Variants in C10orf67 observed in about 807,000 individuals in gnomAD.
C10orf67 encodes the protein uncharacterized protein C10orf67, mitochondrial.
Under a neutral mutation model 35.6 loss-of-function variants are expected in C10orf67, and 60 were observed. That is an observed-to-expected ratio of 1.68 (90% CI 1.37 to 2.09). C10orf67 has a LOEUF of 2.09. Ranked by LOEUF, C10orf67 falls within the 30% of genes most tolerant of loss-of-function variation. The probability of loss-of-function intolerance (pLI) is 0.00; values close to 1 mark genes in which losing one functional copy is unlikely to be tolerated. For missense variants in C10orf67, 474 were observed against 330.2 expected, an observed-to-expected ratio of 1.44 and a Z score of -3.38; for synonymous variants, 167 against 115.8, an observed-to-expected ratio of 1.44 and a Z score of -2.84.
chr10:23,208,867 G>T (rs990837653), intron 15 of C10orf67, among the ~76,000 whole-genome samples: 1 of 152,132 alleles, frequency 6.6e-6, no homozygotes, highest in African/African-American at 2.4e-5. Flanking sequence ...CTGCTCTGGA[G>T]AACCCTGAGA....
At chr10:23,253,533 A>C (rs1310444461) in intron 10 of C10orf67, among the ~76,000 whole-genome samples, 1 of 152,200 alleles carries the variant, frequency 6.6e-6, no homozygotes, top group South Asian at 2.1e-4. Context: ...AAATTAACCC[A>C]AATTAAAAAA....
intron 10 of C10orf67, among the ~76,000 whole-genome samples, chr10:23,253,762 A>AGTCTGTT (rs1480670123): frequency 6.6e-6 from 1 of 152,206 alleles, no homozygotes; most frequent in South Asian, 2.1e-4. Context: ...CTATGTAATA[A>AGTCTGTT]CTAGAGATAA....
rs540852902 is a variant in C10orf67 at position 23,252,643 on chromosome 10, T to G, written c.1201-1952A>C. On this transcript the variant is annotated intron_variant, in intron 10 of 15. Transcript: ENST00000636213. ...GAGTGAGGACAGAGCTGCCTGAAAT[T>G]TCTCATTTGGGCAAGTAGATGGAGA... Among the ~76,000 whole-genome samples the G allele has an allele frequency of 1.4e-3, 213 of 152,352 alleles. 1 individual carries two copies. The highest frequency in any genetic ancestry group is 4.8e-3 in the African/African-American group (201 of 41,588).
At chr10:23,252,728 TTTTTG>T (rs112259558) in intron 10 of C10orf67, among the ~76,000 whole-genome samples, 1 of 152,204 alleles carries the variant, frequency 6.6e-6, no homozygotes, top group Non-Finnish European at 1.5e-5. Context: ...TGCTAGCCTT[TTTTTG>T]TTTTGTTTTG....
intron 8 of C10orf67, among the ~76,000 whole-genome samples, chr10:23,280,462 T>G (rs377124325): frequency 9.2e-5 from 14 of 152,088 alleles, no homozygotes; most frequent in African/African-American, 2.9e-4. Flanking sequence ...CAGAATGCCT[T>G]GCAGGGATAG....
At chr10:23,302,074 A>G (rs546155221) in intron 5 of C10orf67, among the ~76,000 whole-genome samples, 5 of 152,350 alleles carry the variant, frequency 3.3e-5, no homozygotes, top group South Asian at 4.1e-4. Context: ...AACACGGACC[A>G]GAAGAGTGCA....
At chr10:23,281,912 T>C (rs947990817) in intron 8 of C10orf67, 101 bp downstream of exon 8, 10 of 439,426 alleles carry the variant, frequency 2.3e-5, no homozygotes, top group Middle Eastern at 6.3e-4. Context: ...ATGAAATGAG[T>C]CATTCACAGG....
chr10:23,259,940 A>G (rs982810575), intron 10 of C10orf67, among the ~76,000 whole-genome samples: 1 of 152,210 alleles, frequency 6.6e-6, no homozygotes, highest in Non-Finnish European at 1.5e-5. Flanking sequence ...AACATCAAAC[A>G]GTCCAGCACA....
chr10:23,337,780 CA>C (rs1845743995), intron 1 of C10orf67, among the ~76,000 whole-genome samples: 1 of 152,038 alleles, frequency 6.6e-6, no homozygotes. Flanking sequence ...TCTTTATGAC[CA>C]GGTGACTGAG....
chr10:23,271,906 T>TTTG (rs982557393), intron 8 of C10orf67, among the ~76,000 whole-genome samples: 15 of 152,300 alleles, frequency 9.8e-5, no homozygotes, highest in African/African-American at 3.4e-4. Flanking sequence ...GAGTAAACTT[T>TTTG]TTGTTGTTGT....
At chr10:23,316,798 C>A (rs1844728122) in intron 4 of C10orf67, 1 of 152,330 alleles carries the variant, frequency 6.6e-6, no homozygotes, top group Admixed American at 6.5e-5. Context: ...AATAACTCCT[C>A]TCTGCAGGCA....
intron 12 of C10orf67, among the ~76,000 whole-genome samples, chr10:23,242,290 G>GA (rs1395091579): frequency 1.3e-5 from 2 of 151,944 alleles, no homozygotes; most frequent in East Asian, 1.9e-4. Flanking sequence ...TTAATTGGCT[G>GA]AAAAAATAAC....
intron 13 of C10orf67, among the ~76,000 whole-genome samples, chr10:23,233,426 A>G (rs1408514562): frequency 1.3e-5 from 2 of 152,216 alleles, no homozygotes; most frequent in African/African-American, 4.8e-5. Flanking sequence ...AACAAAAGGA[A>G]AAGACTCAAA....
chr10:23,245,500 C>T (rs1186924277), intron 12 of C10orf67, among the ~76,000 whole-genome samples: 2 of 152,122 alleles, frequency 1.3e-5, no homozygotes, highest in Non-Finnish European at 2.9e-5. Context: ...ATGTAAGAAA[C>T]TCAGCTTAAC....
chr10:23,273,931 G>T (rs1843104409), intron 8 of C10orf67, among the ~76,000 whole-genome samples: 1 of 152,124 alleles, frequency 6.6e-6, no homozygotes, highest in African/African-American at 2.4e-5. Flanking sequence ...TTTCAATGTA[G>T]GTTCTTTCTA....
At chr10:23,344,215 T>A in intron 1 of C10orf67, 1 of 168,252 alleles carries the variant, frequency 5.9e-6, no homozygotes, top group East Asian at 1.5e-4. Flanking sequence ...AGGGAGAAGG[T>A]TGGGGATGGG....
chr10:23,335,591 T>C (rs1047842927), intron 1 of C10orf67, among the ~76,000 whole-genome samples: 6 of 152,102 alleles, frequency 3.9e-5, no homozygotes, highest in African/African-American at 1.4e-4. Flanking sequence ...ATGTCATAGT[T>C]TTTTCATCAT....
chr10:23,316,925 C>T (rs984070495), intron 4 of C10orf67: 26 of 152,312 alleles, frequency 1.7e-4, no homozygotes, highest in African/African-American at 4.6e-4. Context: ...GAAAAAAGCA[C>T]CATAAGTTCT....
chr10:23,270,269 C>A (rs551264484), intron 8 of C10orf67, among the ~76,000 whole-genome samples: 48 of 152,122 alleles, frequency 3.2e-4, no homozygotes, highest in African/African-American at 1.1e-3. Context: ...CCAGAAGTGG[C>A]ACAGAGCCAA....
Sources: allele counts gnomAD v4.1 joint callset (sites outside exome capture counted in the v4.1 genomes callset), GRCh38; gene constraint gnomAD v4.1.1; transcripts MANE v1.5; gene names NCBI Gene and HGNC (gene_info 2026-07-23, HGNC 2026-07-21).